SLC3A1: variants seen among roughly 807,000 people sequenced by gnomAD.
The protein encoded by SLC3A1 is amino acid transporter heavy chain SLC3A1.
Under a neutral mutation model 60.3 loss-of-function variants are expected in SLC3A1, and 78 were observed. That is an observed-to-expected ratio of 1.29 (90% CI 1.08 to 1.56). The LOEUF (loss-of-function observed/expected upper bound fraction) is 1.56, where lower values mean the gene tolerates loss of function less well. Ranked by LOEUF, SLC3A1 falls within the 40% of genes most tolerant of loss-of-function variation. The pLI, the probability that SLC3A1 is intolerant of heterozygous loss-of-function variation, is 0.00. For synonymous variants in SLC3A1, 392 were observed against 307.9 expected, an observed-to-expected ratio of 1.27 and a Z score of -2.86; for missense variants, 1,172 against 858.9, an observed-to-expected ratio of 1.36 and a Z score of -4.56.
rs376615998 is a variant in SLC3A1, at chr2:44,275,559, A to T, written c.24A>T (p.Arg8Ser). Residue 8 changes from arginine (R) to serine (S), a missense_variant, in exon 1 of 10, where the codon AGA (arginine) becomes AGT (serine). By Grantham distance (110) the Arg-to-Ser change is moderately radical. Coordinates refer to ENST00000260649, the MANE Select transcript of SLC3A1 (RefSeq NM_000341.4). ...ACATGGCTGAAGATAAAAGCAAGAG[A>T]GACTCCATCGAGATGAGTATGAAGG... MAEDKSK[R>S]DSIEMSMKGC... 4 of 1,614,042 alleles carry T rather than the reference A, an allele frequency of 2.5e-6. No individual in the cohort carries two copies. The highest frequency in any genetic ancestry group is 1.1e-5 in the South Asian group (1 of 91,068).
intron 9 of SLC3A1, chr2:44,318,462 C>T (rs1452261409): frequency 5.8e-6 from 1 of 172,414 alleles, no homozygotes; most frequent in African/African-American, 2.4e-5. Flanking sequence ...CCAGTTCTAT[C>T]AACTATGGGC....
In SLC3A1 at chr2:44,282,607, A is replaced by T. The variant is rs755984327; in HGVS notation, c.765+1066A>T. Among the ~76,000 whole-genome samples the T allele has an allele frequency of 1.3e-3, 195 of 152,192 alleles. 1 individual carries two copies. The highest frequency in any genetic ancestry group is 2.3e-3 in the Non-Finnish European group (155 of 67,996). On this transcript the variant is annotated intron_variant, in intron 3 of 9. Transcript: ENST00000260649. ...ATTTTGGACAAGCAGTGCATAAAAA[A>T]TTTTTTAGTGTGGACCATACTTTCT... is the stretch of plus-strand genomic sequence containing the variant.
rs121912693 is a variant in SLC3A1, at chr2:44,320,614, T to C, written c.2033T>C (p.Leu678Pro). 6.2e-7 allele frequency: 1 copy of C among 1,613,946 alleles called. No individual in the cohort carries two copies. Among genetic ancestry groups the C allele is most frequent in the Non-Finnish European group, 8.5e-7 (1 of 1,179,844 alleles). Reference sequence around the variant, plus strand: ...AATCGAGCATGCTATTCCAGTGTACTGAACATACTGTATACCTCGTGTTAG... The same window carrying C: ...AATCGAGCATGCTATTCCAGTGTACCGAACATACTGTATACCTCGTGTTAG... ...VSNRACYSSVLNILYTSC is the reference protein window; with the variant it reads ...VSNRACYSSVPNILYTSC Residue 678 changes from leucine to proline, a missense_variant, in exon 10 of 10, where the codon CTG (leucine) becomes CCG (proline). Physicochemically the swap from Leu to Pro is moderately conservative, Grantham distance 98 (BLOSUM62 -3). Coordinates refer to ENST00000260649, the MANE Select transcript of SLC3A1 (RefSeq NM_000341.4).
chr2:44,294,353 A>C (rs1372222383), intron 4 of SLC3A1, among the ~76,000 whole-genome samples: 1 of 151,982 alleles, frequency 6.6e-6, no homozygotes, highest in Non-Finnish European at 1.5e-5. Flanking sequence ...AAAAATACAA[A>C]AATTAGCCAG....
chr2:44,300,878 C>A (rs985665636), intron 5 of SLC3A1, 125 bp from the exon 6 acceptor site: 12 of 1,055,058 alleles, frequency 1.1e-5, no homozygotes, highest in Non-Finnish European at 1.6e-5. Flanking sequence ...ATCCACAAAA[C>A]CATGTTTGAG....
chr2:44,286,928 A>G lies in SLC3A1; in HGVS notation c.891+771A>G, dbSNP rs768828118. On this transcript the variant is annotated intron_variant, in intron 4 of 9. Transcript: ENST00000260649. ...TCCTGCATCTAAAATGGGCTTCTTG[A>G]TGGTTATTTGGCTTTCATGTCTTAG... is the stretch of plus-strand genomic sequence containing the variant. 3.3e-5 allele frequency among the ~76,000 whole-genome samples: 5 copies of G among 152,086 alleles called. No individual in the cohort carries two copies. In the South Asian group the frequency reaches 8.3e-4, roughly 25 times the overall value.
chr2:44,307,132 TAACA>T (rs1672177669), intron 7 of SLC3A1, among the ~76,000 whole-genome samples: 1 of 152,230 alleles, frequency 6.6e-6, no homozygotes, highest in Admixed American at 6.5e-5. Flanking sequence ...TTCTTTCACT[TAACA>T]TAGTGTTTTC....
chr2:44,309,248 C>T (rs930644940), intron 7 of SLC3A1, among the ~76,000 whole-genome samples: 1 of 152,168 alleles, frequency 6.6e-6, no homozygotes, highest in Non-Finnish European at 1.5e-5. Flanking sequence ...ATCCTCCATT[C>T]TATTTTCAGC....
intron 4 of SLC3A1, 125 bp downstream of exon 4, chr2:44,286,282 AGT>A (rs1378000103): frequency 1.1e-6 from 1 of 910,828 alleles, no homozygotes; most frequent in East Asian, 2.5e-5. Flanking sequence ...AATACTCTAT[AGT>A]TATTTGAAAC....
At chr2:44,319,013 T>TC (rs1672689621) in intron 9 of SLC3A1, 1 of 152,226 alleles carries the variant, frequency 6.6e-6, no homozygotes, top group Non-Finnish European at 1.5e-5. Context: ...TACCGGGCAC[T>TC]TCTTATGTGA....
intron 9 of SLC3A1, chr2:44,318,225 G>T (rs1023971340): frequency 2.8e-5 from 10 of 362,424 alleles, no homozygotes; most frequent in African/African-American, 2.0e-4. Context: ...CAAGTAGCTG[G>T]GATTACAGGT....
At chr2:44,310,851 T>A (rs1672278419) in intron 7 of SLC3A1, among the ~76,000 whole-genome samples, 1 of 151,726 alleles carries the variant, frequency 6.6e-6, no homozygotes, top group Non-Finnish European at 1.5e-5. Flanking sequence ...CAGGCTGGAG[T>A]GCAGTGGTGT....
At chr2:44,277,297 A>C (rs1671370684) in intron 1 of SLC3A1, among the ~76,000 whole-genome samples, 1 of 151,674 alleles carries the variant, frequency 6.6e-6, no homozygotes, top group African/African-American at 2.4e-5. Context: ...AATAGAGACG[A>C]GGGTTCTCCA....
At chr2:44,313,736 A>C in intron 8 of SLC3A1, 99 bp from the exon 9 acceptor site, 1 of 1,000,834 alleles carries the variant, frequency 1.0e-6, no homozygotes. Flanking sequence ...ACTAGCTAAG[A>C]ACTATGGGGA....
downstream of SLC3A1, chr2:44,321,836 A>G: frequency 6.2e-7 from 1 of 1,613,754 alleles, no homozygotes; most frequent in Non-Finnish European, 8.5e-7. Flanking sequence ...CCTTTTTGTG[A>G]GAATCCTCAA....
At chr2:44,319,141 T>G (rs1483606760) in intron 9 of SLC3A1, 1 of 152,598 alleles carries the variant, frequency 6.6e-6, no homozygotes, top group Admixed American at 6.5e-5. Flanking sequence ...AATAAACATC[T>G]TTTTAAACAC....
chr2:44,307,109 T>C (rs1672177098), intron 7 of SLC3A1, among the ~76,000 whole-genome samples: 1 of 152,204 alleles, frequency 6.6e-6, no homozygotes, highest in South Asian at 2.1e-4. Context: ...GATATGGGAC[T>C]TTTGTGTCTA....
At chr2:44,282,933 C>T (rs1045742255) in intron 3 of SLC3A1, among the ~76,000 whole-genome samples, 2 of 152,178 alleles carry the variant, frequency 1.3e-5, no homozygotes, top group Admixed American at 6.5e-5. Flanking sequence ...GCTGGGATTA[C>T]AGGTGTAAGC....
intron 4 of SLC3A1, among the ~76,000 whole-genome samples, chr2:44,296,947 A>C (rs1671865456): frequency 6.6e-6 from 1 of 152,158 alleles, no homozygotes; most frequent in African/African-American, 2.4e-5. Flanking sequence ...TTTGCTCCTC[A>C]TTCGCCTTCT....
Sources: allele counts gnomAD v4.1 joint callset (sites outside exome capture counted in the v4.1 genomes callset), GRCh38; gene constraint gnomAD v4.1.1; transcripts MANE v1.5; gene names NCBI Gene and HGNC (gene_info 2026-07-23, HGNC 2026-07-21).